MTF1: variants seen among roughly 807,000 people sequenced by gnomAD.
MTF1 encodes the protein metal regulatory transcription factor 1, also known as MRE-binding transcription factor.
MTF1 carries 22 observed loss-of-function variants against 70.4 expected under a neutral mutation model. That is an observed-to-expected ratio of 0.31 (90% confidence interval 0.22 to 0.45). The LOEUF (loss-of-function observed/expected upper bound fraction) is 0.45. MTF1 is among the 20% of genes least tolerant of loss of function. MTF1 has a pLI of 1.00. For synonymous variants in MTF1, 333 were observed against 352.8 expected, an observed-to-expected ratio of 0.94 and a Z score of 0.63; for missense variants, 649 against 922.0, an observed-to-expected ratio of 0.70 and a Z score of 3.83.
Position 37,857,341 on chromosome 1 carries a change from T to C in MTF1, c.318A>G (p.Thr106=), listed in dbSNP as rs750340012. 3.1e-6 allele frequency: 5 copies of C among 1,614,196 alleles called. No homozygotes were observed. In the South Asian group the frequency reaches 4.4e-5, roughly 14 times the overall value. Residue 106 remains threonine (T), a synonymous_variant, in exon 2 of 11, where the codon ACA becomes ACG. Coordinates refer to ENST00000373036, the MANE Select transcript of MTF1 (RefSeq NM_005955.3). ...GCATGGGTGTGGAACCAGGGTTTATTGTCAAATGAATCTGATCTGGTGAGA... is the reference window on the plus strand; with the variant it reads ...GCATGGGTGTGGAACCAGGGTTTATCGTCAAATGAATCTGATCTGGTGAGA... ...HIISPDQIHL[T]INPGSTPMPR...
intron 2 of MTF1, among the ~76,000 whole-genome samples, chr1:37,846,809 C>T (rs72917981): frequency 0.014 from 2,111 of 152,218 alleles, 46 homozygotes; most frequent in African/African-American, 0.048. Flanking sequence ...TGGGTTTTTC[C>T]TGGAGGAAAA....
rs201995322 is a variant in MTF1 at position 37,839,911 on chromosome 1, G to A, written c.647+9C>T. The A allele has an allele frequency of 1.5e-4, 240 of 1,606,666 alleles. No homozygotes were observed. Among genetic ancestry groups the A allele is most frequent in the African/African-American group, 3.9e-4 (29 of 74,926 alleles). On this transcript the variant is annotated intron_variant, in intron 3 of 10. Coordinates refer to ENST00000373036, the MANE Select transcript of MTF1 (RefSeq NM_005955.3). ...CAGAGGCTGGCAGAGCATTGGAGACGAGACTGACCTGTACAGTGTGTTGAA... is the reference window on the plus strand; with the variant it reads ...CAGAGGCTGGCAGAGCATTGGAGACAAGACTGACCTGTACAGTGTGTTGAA...
Position 37,812,347 on chromosome 1 carries a change from G to C in MTF1, c.*2789C>G, listed in dbSNP as rs1178719723. 1 of 152,228 alleles carries C rather than the reference G, an allele frequency of 6.6e-6. No individual in the cohort carries two copies. The highest frequency in any genetic ancestry group is 2.4e-5 in the African/African-American group (1 of 41,444). 9.4% of individuals were successfully genotyped at this position (152,228 alleles called of 1,614,324 possible). Reference sequence around the variant, plus strand: ...AGAACTGGAAAAGGAGGGAAAGAAAGACTGCCTATCCTGGGAAATAAACCT... The same window carrying C: ...AGAACTGGAAAAGGAGGGAAAGAAACACTGCCTATCCTGGGAAATAAACCT... On this transcript the variant is annotated 3_prime_UTR_variant, in exon 11 of 11. Coordinates refer to ENST00000373036, the MANE Select transcript of MTF1 (RefSeq NM_005955.3).
chr1:37,828,415 C>T (rs1557590089), intron 7 of MTF1, among the ~76,000 whole-genome samples: 1 of 152,230 alleles, frequency 6.6e-6, no homozygotes, highest in Non-Finnish European at 1.5e-5. Context: ...AGTGATTCTC[C>T]TGCCTCAGCT....
intron 2 of MTF1, among the ~76,000 whole-genome samples, chr1:37,849,872 G>A (rs899749331): frequency 9.9e-5 from 15 of 152,058 alleles, no homozygotes; most frequent in Admixed American, 9.8e-4. Context: ...AAGACCCAGT[G>A]TCTTAAAAAA....
In MTF1 at chr1:37,814,779, G is replaced by T. The variant is rs1171982448; in HGVS notation, c.*357C>A. The T allele has an allele frequency of 4.5e-6, 1 of 224,358 alleles. No individual in the cohort carries two copies. Among genetic ancestry groups the T allele is most frequent in the East Asian group, 1.2e-4 (1 of 8,572 alleles). 13.9% of individuals were successfully genotyped at this position (224,358 alleles called of 1,614,324 possible). A position where few individuals can be genotyped will look rare whatever the true frequency, so the allele number is the denominator to read the frequency against. On this transcript the variant is annotated 3_prime_UTR_variant, in exon 11 of 11. Transcript: ENST00000373036. ...GATCCACAAAGACCCCAGTGCAAGC[G>T]ATGGGCAGCATCAGATTGATGGAAA...
In MTF1 at chr1:37,857,410, C is replaced by G; in HGVS notation, c.249G>C (p.Leu83=). The stretch of plus-strand genomic sequence containing the variant: ...CCTGGGACATTGCTTCATGATCTAT[C>G]AGGTGAAAGCCCTCTTCACCCCCTA... ...FLVGGEEGFH[L]IDHEAMSQGY... is the part of the protein sequence containing the mutation. The change falls in exon 2 of 11, where the codon CTG becomes CTC. Residue 83 remains leucine (L), a synonymous_variant. Coordinates refer to ENST00000373036, the MANE Select transcript of MTF1 (RefSeq NM_005955.3). The G allele has an allele frequency of 1.2e-6, 2 of 1,614,152 alleles. No homozygotes were observed. The highest frequency in any genetic ancestry group is 1.7e-6 in the Non-Finnish European group (2 of 1,180,042).
chr1:37,836,653 A>C (rs1222416973), intron 4 of MTF1, among the ~76,000 whole-genome samples: 1 of 152,180 alleles, frequency 6.6e-6, no homozygotes, highest in Non-Finnish European at 1.5e-5. Context: ...GCTCTCCTAG[A>C]GTGTAAACTA....
chr1:37,830,731 T>C (rs1569860053), intron 7 of MTF1, among the ~76,000 whole-genome samples: 1 of 152,236 alleles, frequency 6.6e-6, no homozygotes, highest in East Asian at 1.9e-4. Context: ...CTTGTTTGTC[T>C]GAATATTCCA....
intron 7 of MTF1, among the ~76,000 whole-genome samples, 177 bp from the exon 8 acceptor site, chr1:37,823,989 G>A: frequency 6.6e-6 from 1 of 152,060 alleles, no homozygotes; most frequent in South Asian, 2.1e-4. Flanking sequence ...AAAGATTTGG[G>A]TCCTCAAATA....
In MTF1 at chr1:37,815,411, G is replaced by C; in HGVS notation, c.1987C>G (p.Pro663Ala). ...AGGCTGGGCCCATCAGGAGCCTGGG[G>C]GCTCGGCTCTGGAGGGGGTGGGGAG... ...CSSPPPPEPS[P>A]QAPDGPSLQL... The change falls in exon 11 of 11, where the codon CCC becomes GCC. Residue 663 changes from proline (P) to alanine (A), a missense_variant. Around this residue, in one of 7 missense-constraint regions of MTF1, gnomAD observed 138 missense variants for 134.4 expected, o/e 1.03. Transcript: ENST00000373036. This position sits in a 1 kb window ranked among gnomAD's most constrained non-coding sequence, Gnocchi z 4.5. The C allele has an allele frequency of 2.5e-6, 4 of 1,613,932 alleles. No individual in the cohort carries two copies. The highest frequency in any genetic ancestry group is 3.4e-6 in the Non-Finnish European group (4 of 1,179,910).
chr1:37,817,540 G>A, intron 9 of MTF1, 58 bp from the exon 10 acceptor site: 1 of 1,203,172 alleles, frequency 8.3e-7, no homozygotes, highest in Non-Finnish European at 1.2e-6. Context: ...GATCCCCAGG[G>A]ACCTGAAGCC....
Position 37,822,230 on chromosome 1 carries a change from G to C in MTF1, c.1658C>G (p.Thr553Ser). 1 of 1,614,182 alleles carries C rather than the reference G, an allele frequency of 6.2e-7. No homozygotes were observed. Among genetic ancestry groups the C allele is most frequent in the Admixed American group, 1.7e-5 (1 of 60,016 alleles). The change falls in exon 9 of 11, where the codon ACC becomes AGC. Residue 553 changes from threonine (T) to serine (S), a missense_variant. Physicochemically the swap from Thr to Ser is moderately conservative, Grantham distance 58. Transcript: ENST00000373036. ...CAGGATAGCTGTGTTGGGAGTTGGG[G>C]TGATGGTTATTGTGGGATTATTAGT... ...VLTNNPTITI[T>S]PTPNTAILQS... is the part of the protein sequence containing the mutation.
chr1:37,835,665 A>T lies in MTF1; in HGVS notation c.853+6T>A. 6.2e-7 allele frequency: 1 copy of T among 1,613,804 alleles called. No individual in the cohort carries two copies. The highest frequency in any genetic ancestry group is 8.5e-7 in the Non-Finnish European group (1 of 1,179,742). On this transcript the variant is annotated splice_donor_region_variant and intron_variant, in intron 5 of 10. Coordinates refer to ENST00000373036, the MANE Select transcript of MTF1 (RefSeq NM_005955.3). ...CTTGATGAAACAAAAATTGGCCTAA[A>T]CTCACCAGTATGTGTACGAACGTGA...
At chr1:37,817,080 C>G (rs1295281625) in intron 10 of MTF1, among the ~76,000 whole-genome samples, 2 of 152,150 alleles carry the variant, frequency 1.3e-5, no homozygotes, top group Admixed American at 1.3e-4. Context: ...TTCTTCATTA[C>G]TGTAATTAGA....
At chr1:37,816,352 T>G (rs1234921303) in intron 10 of MTF1, among the ~76,000 whole-genome samples, 1 of 151,528 alleles carries the variant, frequency 6.6e-6, no homozygotes, top group Non-Finnish European at 1.5e-5. Flanking sequence ...GCCTGGCCAA[T>G]ATAGTGAGAC....
intron 6 of MTF1, among the ~76,000 whole-genome samples, chr1:37,833,823 A>G (rs535107179): frequency 3.3e-5 from 5 of 152,042 alleles, no homozygotes; most frequent in African/African-American, 1.2e-4. Flanking sequence ...GCACATATCT[A>G]GAGAAGATGT....
rs1256316672 is a variant in MTF1, at chr1:37,857,664, A to T, written c.-6T>A. 2 of 1,612,902 alleles carry T rather than the reference A, an allele frequency of 1.2e-6. No individual in the cohort carries two copies. The highest frequency in any genetic ancestry group is 4.5e-5 in the East Asian group (2 of 44,888). On this transcript the variant is annotated 5_prime_UTR_variant, in exon 2 of 11. Coordinates refer to ENST00000373036, the MANE Select transcript of MTF1 (RefSeq NM_005955.3). ...TCTGGACTGTGTTCCCCCATGGTTC[A>T]GTTGTGCTCAGCCCAGTTGTGAGAA...
chr1:37,847,660 G>A (rs1016163113), intron 2 of MTF1, among the ~76,000 whole-genome samples: 3 of 152,254 alleles, frequency 2.0e-5, no homozygotes, highest in Middle Eastern at 6.8e-3. Context: ...TCCACAGAAC[G>A]CCTGCAGGGG....
Sources: allele counts gnomAD v4.1 joint callset (sites outside exome capture counted in the v4.1 genomes callset), GRCh38; gene constraint gnomAD v4.1.1; regional missense constraint gnomAD v4.1.1; non-coding constraint Gnocchi (gnomAD v3.1); transcripts MANE v1.5; gene names NCBI Gene and HGNC (gene_info 2026-07-23, HGNC 2026-07-21).